ARHGEF10: variants seen among roughly 807,000 people sequenced by gnomAD.
ARHGEF10 encodes Rho guanine nucleotide exchange factor 10, also known as Rho guanine nucleotide exchange factor (GEF) 10.
Under a neutral mutation model 147.4 loss-of-function variants are expected in ARHGEF10, and 140 were observed. The ratio of observed to expected loss-of-function variants is 0.95; its 90% CI spans 0.83 to 1.09. ARHGEF10 has a LOEUF of 1.09. ARHGEF10 is among the 50% of genes least tolerant of loss of function. ARHGEF10 has a pLI of 0.00. For missense variants in ARHGEF10, 2,222 were observed against 1,752.7 expected (o/e 1.27, Z -4.78); for synonymous variants, 902 against 695.8 (o/e 1.30, Z -4.67).
At chr8:1,823,541 G>C (rs1421450693), upstream of ARHGEF10, among the ~76,000 whole-genome samples, 1 of 152,142 alleles carries the variant, frequency 6.6e-6, no homozygotes, top group Non-Finnish European at 1.5e-5. Context: ...GAGAGGGTTA[G>C]GGTCTGCCCG....
intron 1 of ARHGEF10, among the ~76,000 whole-genome samples, chr8:1,824,331 C>T (rs1164478777): frequency 6.6e-6 from 1 of 151,836 alleles, no homozygotes; most frequent in Non-Finnish European, 1.5e-5. Context: ...GATAACGGCG[C>T]GGGCCTGGGC....
At chr8:1,842,328 G>A (rs1804159268) in intron 1 of ARHGEF10, among the ~76,000 whole-genome samples, 1 of 152,216 alleles carries the variant, frequency 6.6e-6, no homozygotes, top group Non-Finnish European at 1.5e-5. Context: ...GCCAGAGCCA[G>A]TGGCCAGCTC....
intron 18 of ARHGEF10, among the ~76,000 whole-genome samples, chr8:1,916,935 G>C (rs965475600): frequency 6.6e-6 from 1 of 152,178 alleles, no homozygotes; most frequent in African/African-American, 2.4e-5. Flanking sequence ...TTCTCTATGT[G>C]ATCCTGTATA....
chr8:1,935,571 C>T (rs1462613404), intron 26 of ARHGEF10, among the ~76,000 whole-genome samples: 8 of 152,162 alleles, frequency 5.3e-5, no homozygotes, highest in Admixed American at 5.2e-4. Flanking sequence ...CTCTCAGGAC[C>T]GCGGGGTCTT....
intron 11 of ARHGEF10, among the ~76,000 whole-genome samples, chr8:1,886,249 C>T (rs1563230193): frequency 6.6e-6 from 1 of 152,224 alleles, no homozygotes; most frequent in Non-Finnish European, 1.5e-5. Flanking sequence ...ACCAGAGTGA[C>T]AGCACCAAGT....
intron 10 of ARHGEF10, among the ~76,000 whole-genome samples, chr8:1,884,576 G>A (rs1383344923): frequency 6.6e-6 from 1 of 152,118 alleles, no homozygotes; most frequent in African/African-American, 2.4e-5. Flanking sequence ...TGATCTCTGA[G>A]GGAAAAGTCT....
In ARHGEF10 at chr8:1,830,260, G is replaced by T. The variant is rs553913081; in HGVS notation, c.-48+6147G>T. Among the ~76,000 whole-genome samples, 282 of 152,254 alleles carry T rather than the reference G, an allele frequency of 1.9e-3. 2 individuals are homozygous for T. Among genetic ancestry groups the T allele is most frequent in the African/African-American group, 6.6e-3 (276 of 41,548 alleles). On this transcript the variant is annotated intron_variant, in intron 1 of 28. Transcript: ENST00000349830. ...TGGCAGGCGGCTCATTTCCCGTGGG[G>T]CTCAGGCGGCTCATTTCCCGTGGGG...
Position 1,867,141 on chromosome 8 carries a change from A to G in ARHGEF10, c.622+539A>G, listed in dbSNP as rs968821234. Among the ~76,000 whole-genome samples the G allele has an allele frequency of 3.3e-5, 5 of 152,164 alleles. No homozygotes were observed. The South Asian group carries it at 1.0e-3, about 32-fold the overall frequency. On this transcript the variant is annotated intron_variant, in intron 6 of 28. Coordinates refer to ENST00000349830, the MANE Select transcript of ARHGEF10 (RefSeq NM_014629.4). Reference sequence around the variant, plus strand: ...GTTTTGTTAATTTACCTTTGGCAGAAACAACAGATTCCAAAACATTTAGTA... The same window carrying G: ...GTTTTGTTAATTTACCTTTGGCAGAGACAACAGATTCCAAAACATTTAGTA...
chr8:1,832,877 G>T (rs56651442), intron 1 of ARHGEF10, among the ~76,000 whole-genome samples: 1 of 133,196 alleles, frequency 7.5e-6, no homozygotes, highest in African/African-American at 3.0e-5. Context: ...GGCAGAGACA[G>T]AGAGACAGAG....
At chr8:1,843,165 G>T (rs983632922) in intron 1 of ARHGEF10, among the ~76,000 whole-genome samples, 188 bp from the exon 2 acceptor site, 2 of 152,208 alleles carry the variant, frequency 1.3e-5, no homozygotes, top group Non-Finnish European at 2.9e-5. Context: ...CTTTTGTTTT[G>T]CTCTTGAATG....
In ARHGEF10 at chr8:1,948,601, C is replaced by T. The variant is rs904079754; in HGVS notation, c.3397+2946C>T. On this transcript the variant is annotated intron_variant, in intron 27 of 28. Coordinates refer to ENST00000349830, the MANE Select transcript of ARHGEF10 (RefSeq NM_014629.4). This position sits in a 1 kb window ranked among gnomAD's most constrained non-coding sequence, Gnocchi z 4.9. ...TCAGTTTTGTTTGTGATGCTTCTGA[C>T]AGTGATTCTCTGTAAGATCCTCAGT... Among the ~76,000 whole-genome samples the T allele has an allele frequency of 6.6e-6, 1 of 152,154 alleles. No homozygotes were observed. The highest frequency in any genetic ancestry group is 1.5e-5 in the Non-Finnish European group (1 of 68,044).
chr8:1,896,797 C>T (rs956666878), intron 14 of ARHGEF10, among the ~76,000 whole-genome samples: 7 of 152,172 alleles, frequency 4.6e-5, no homozygotes, highest in Admixed American at 4.6e-4. Flanking sequence ...TTCCAGGCCT[C>T]TTTGGGATCG....
In ARHGEF10 at chr8:1,909,314, G is replaced by A; in HGVS notation, c.1987G>A (p.Val663Met). Residue 663 changes from valine to methionine, a missense_variant, in exon 18 of 29, where the codon GTG (valine) becomes ATG (methionine). Transcript: ENST00000349830. Reference sequence around the variant, plus strand: ...TTTCAGCCCCTCTCATGACAGCCGTGTGATGAGCAGCCAGAGGTACTTGCT... The same window carrying A: ...TTTCAGCCCCTCTCATGACAGCCGTATGATGAGCAGCCAGAGGTACTTGCT... ...VSSRPSHDSR[V>M]MSSQRYLLKW... 1 of 1,614,230 alleles carries A rather than the reference G, an allele frequency of 6.2e-7. No homozygotes were observed. Among genetic ancestry groups the A allele is most frequent in the Non-Finnish European group, 8.5e-7 (1 of 1,180,050 alleles).
In ARHGEF10 at chr8:1,894,540, G is replaced by T. The variant is rs201694611; in HGVS notation, c.1408G>T (p.Val470Leu). ...LASRVSEWDS[V>L]EMIGDVFVAS... Reference sequence around the variant, plus strand: ...CAGCCGCGTTTCCGAGTGGGACTCCGTGGAAATGATAGGCGATGTCTTCGT... The same window carrying T: ...CAGCCGCGTTTCCGAGTGGGACTCCTTGGAAATGATAGGCGATGTCTTCGT... The change falls in exon 13 of 29, where the codon GTG becomes TTG. Residue 470 changes from valine (V) to leucine (L), a missense_variant. By Grantham distance (32) the Val-to-Leu change is conservative. Transcript: ENST00000349830. 5 of 1,614,164 alleles carry T rather than the reference G, an allele frequency of 3.1e-6. No homozygotes were observed. Among genetic ancestry groups the T allele is most frequent in the Non-Finnish European group, 4.2e-6 (5 of 1,180,018 alleles).
chr8:1,845,834 C>T (rs1188202744), intron 2 of ARHGEF10, among the ~76,000 whole-genome samples: 1 of 152,186 alleles, frequency 6.6e-6, no homozygotes, highest in Non-Finnish European at 1.5e-5. Flanking sequence ...TGTAGTTGTG[C>T]TAATCAGAGA....
intron 15 of ARHGEF10, among the ~76,000 whole-genome samples, chr8:1,899,997 G>A (rs1053978628): frequency 6.6e-5 from 10 of 152,226 alleles, no homozygotes; most frequent in East Asian, 1.9e-4. Context: ...TCCCTGGGTC[G>A]TTCTTGGTCG....
At chr8:1,917,931 A>G (rs1053038381) in intron 18 of ARHGEF10, among the ~76,000 whole-genome samples, 1 of 146,100 alleles carries the variant, frequency 6.8e-6, no homozygotes, top group Non-Finnish European at 1.5e-5. Flanking sequence ...AGTGTGTACC[A>G]CCATGCCTGG....
chr8:1,856,109 T>G (rs987266369), intron 2 of ARHGEF10, among the ~76,000 whole-genome samples: 4 of 152,206 alleles, frequency 2.6e-5, no homozygotes, highest in Non-Finnish European at 5.9e-5. Flanking sequence ...TTTAGAGAAG[T>G]CTTTGACCCT....
rs964508227 is a variant in ARHGEF10 at position 1,846,856 on chromosome 8, C to T, written c.37+3420C>T. Among the ~76,000 whole-genome samples, 11 of 152,210 alleles carry T rather than the reference C, an allele frequency of 7.2e-5. No individual in the cohort carries two copies. The East Asian group carries it at 1.3e-3, about 19-fold the overall frequency. Reference sequence around the variant, plus strand: ...CCTCCGAAAGTGATGGGATGACAGGCGTGAGCCACCACATGTGGCCTGATT... The same window carrying T: ...CCTCCGAAAGTGATGGGATGACAGGTGTGAGCCACCACATGTGGCCTGATT... On this transcript the variant is annotated intron_variant, in intron 2 of 28. Transcript: ENST00000349830.
Sources: gnomAD v4.1 joint callset for allele counts (sites outside exome capture counted in the v4.1 genomes callset) on GRCh38, gnomAD v4.1.1 for gene constraint, Gnocchi (gnomAD v3.1) non-coding constraint, MANE v1.5 for transcripts, NCBI Gene and HGNC (gene_info 2026-07-23, HGNC 2026-07-21) for gene names.